REPS1: variants seen among roughly 807,000 people sequenced by gnomAD.
REPS1 encodes the protein ralBP1-associated Eps domain-containing protein 1.
A neutral mutation model predicts 100.9 loss-of-function variants in REPS1; 39 were observed. That is an observed-to-expected ratio of 0.39 (90% CI 0.30 to 0.50). The LOEUF (loss-of-function observed/expected upper bound fraction) is 0.50. Ranked by LOEUF, REPS1 falls within the 20% of genes least tolerant of loss-of-function variation. The probability of loss-of-function intolerance (pLI) is 0.86; values close to 1 mark genes in which losing one functional copy is unlikely to be tolerated. For synonymous variants in REPS1, 324 were observed against 340.3 expected (o/e 0.95, Z 0.53); for missense variants, 821 against 968.5 (o/e 0.85, Z 2.02).
intron 1 of REPS1, 107 bp downstream of exon 1, chr6:138,987,423 A>G: frequency 8.3e-7 from 1 of 1,208,492 alleles, no homozygotes; most frequent in South Asian, 1.7e-5. Flanking sequence ...GGACCCCCCG[A>G]GGAACCAGCC....
chr6:138,935,022 GT>G (rs956769334), intron 8 of REPS1, among the ~76,000 whole-genome samples: 3 of 152,104 alleles, frequency 2.0e-5, no homozygotes, highest in African/African-American at 7.2e-5. Context: ...GATGTGCTTT[GT>G]TTTTTCTTGA....
intron 1 of REPS1, among the ~76,000 whole-genome samples, chr6:138,957,804 T>A (rs916882468): frequency 1.3e-5 from 2 of 152,216 alleles, no homozygotes; most frequent in Non-Finnish European, 2.9e-5. Context: ...AGTACAATAC[T>A]GAATACTTGG....
rs942680987 is a variant in REPS1 at position 138,908,329 on chromosome 6, C to T, written c.2216+339G>A. 2.6e-5 allele frequency among the ~76,000 whole-genome samples: 4 copies of T among 152,138 alleles called. No homozygotes were observed. The East Asian group carries it at 5.8e-4, about 22-fold the overall frequency. ...ATTATTTGTGAGATGAAGTCTTGCT[C>T]TGTTGCCCAGGCTGGAGTGCAGTGG... On this transcript the variant is annotated intron_variant, in intron 18 of 19. Coordinates refer to ENST00000450536, the MANE Select transcript of REPS1 (RefSeq NM_001286611.2).
chr6:138,959,693 C>T (rs1311500983), intron 1 of REPS1, among the ~76,000 whole-genome samples: 1 of 152,164 alleles, frequency 6.6e-6, no homozygotes, highest in African/African-American at 2.4e-5. Context: ...TATTGTTCTA[C>T]TAACTTGTTA....
At position 138,918,519 on chromosome 6, in the gene REPS1, T is replaced by G. The variant is rs541307190; in HGVS notation, c.1529-892A>C. ...GAACTAAAGTTGACAATGAATCTGT[T>G]AATCACAGACATTTGTGGAATAGTG... is the stretch of plus-strand genomic sequence containing the variant. On this transcript the variant is annotated intron_variant, in intron 12 of 19. Coordinates refer to ENST00000450536, the MANE Select transcript of REPS1 (RefSeq NM_001286611.2). Among the ~76,000 whole-genome samples, 3 of 152,328 alleles carry G rather than the reference T, an allele frequency of 2.0e-5. No homozygotes were observed. In the South Asian group the frequency reaches 6.2e-4, roughly 32 times the overall value.
At chr6:138,976,251 G>A (rs925293162) in intron 1 of REPS1, among the ~76,000 whole-genome samples, 4 of 151,902 alleles carry the variant, frequency 2.6e-5, no homozygotes, top group African/African-American at 4.8e-5. Flanking sequence ...CTATTTCCAC[G>A]TACAACATTT....
intron 3 of REPS1, 36 bp downstream of exon 3, chr6:138,945,465 G>A: frequency 1.3e-6 from 2 of 1,581,514 alleles, no homozygotes; most frequent in South Asian, 1.2e-5. Context: ...ATTTGCACAG[G>A]GCATCAACTG....
intron 1 of REPS1, among the ~76,000 whole-genome samples, chr6:138,976,035 G>A (rs978617738): frequency 1.3e-5 from 2 of 152,150 alleles, no homozygotes; most frequent in African/African-American, 4.8e-5. Flanking sequence ...AAATTACTAC[G>A]ATGTTGTAAT....
chr6:138,964,754 T>C (rs1783922155), intron 1 of REPS1, among the ~76,000 whole-genome samples: 1 of 151,964 alleles, frequency 6.6e-6, no homozygotes, highest in Admixed American at 6.6e-5. Flanking sequence ...CCTAGAAATG[T>C]CTTCTGTAAC....
At chr6:138,940,653 G>A (rs1782182411) in intron 8 of REPS1, among the ~76,000 whole-genome samples, 1 of 151,956 alleles carries the variant, frequency 6.6e-6, no homozygotes, top group Non-Finnish European at 1.5e-5. Flanking sequence ...GGCTGAGGCA[G>A]GAGAATCGCT....
chr6:138,987,429 C>T, intron 1 of REPS1, 101 bp downstream of exon 1: 19 of 1,261,250 alleles, frequency 1.5e-5, no homozygotes, highest in Non-Finnish European at 1.9e-5. Context: ...CCCGAGGAAC[C>T]AGCCCCCCGC....
At chr6:138,964,925 T>C (rs1470627389) in intron 1 of REPS1, among the ~76,000 whole-genome samples, 4 of 152,156 alleles carry the variant, frequency 2.6e-5, no homozygotes, top group Non-Finnish European at 5.9e-5. Flanking sequence ...CTATCTGCTA[T>C]AGAAGGGAAT....
At chr6:138,914,673 G>A in intron 15 of REPS1, 24 bp downstream of exon 15, 1 of 1,587,276 alleles carries the variant, frequency 6.3e-7, no homozygotes, top group Non-Finnish European at 8.7e-7. Context: ...GGGACATTTA[G>A]TAATAAATAC....
At chr6:138,984,151 C>T (rs1335682026) in intron 1 of REPS1, among the ~76,000 whole-genome samples, 1 of 150,032 alleles carries the variant, frequency 6.7e-6, no homozygotes, top group Non-Finnish European at 1.5e-5. Flanking sequence ...GCGATCTTGG[C>T]TCACTGCAAC....
intron 8 of REPS1, among the ~76,000 whole-genome samples, chr6:138,932,329 TAA>T (rs1781534475): frequency 6.6e-6 from 1 of 152,158 alleles, no homozygotes; most frequent in South Asian, 2.1e-4. Flanking sequence ...AAGACTCTTT[TAA>T]AAGAGACCTG....
intron 12 of REPS1, among the ~76,000 whole-genome samples, chr6:138,918,141 A>G (rs1163896251): frequency 6.6e-6 from 1 of 151,798 alleles, no homozygotes; most frequent in Non-Finnish European, 1.5e-5. Context: ...GTTAGAAATG[A>G]GGTCTCGCTA....
chr6:138,933,823 T>C (rs1200578119), intron 8 of REPS1, among the ~76,000 whole-genome samples: 2 of 152,180 alleles, frequency 1.3e-5, no homozygotes, highest in Non-Finnish European at 2.9e-5. Context: ...AATGTAAGTA[T>C]TGATAGATTT....
chr6:138,905,446 C>A (rs1031762209), intron 19 of REPS1, among the ~76,000 whole-genome samples: 1 of 147,716 alleles, frequency 6.8e-6, no homozygotes, highest in Non-Finnish European at 1.5e-5. Context: ...CGCCCGCCAC[C>A]GCGCCCGGCT....
intron 18 of REPS1, among the ~76,000 whole-genome samples, chr6:138,908,148 C>T (rs558261558): frequency 2.0e-5 from 3 of 152,216 alleles, no homozygotes; most frequent in African/African-American, 7.2e-5. Flanking sequence ...AAATGTACTG[C>T]TACGGGGTTT....
Sources: allele counts gnomAD v4.1 joint callset (sites outside exome capture counted in the v4.1 genomes callset), GRCh38; gene constraint gnomAD v4.1.1; transcripts MANE v1.5; gene names NCBI Gene and HGNC (gene_info 2026-07-23, HGNC 2026-07-21).